Variants in DMXL1 observed in about 807,000 individuals in gnomAD.
DMXL1 encodes the protein Dmx like 1, also known as dmX-like protein 1.
In DMXL1, 99 loss-of-function variants were observed where a neutral mutation model predicts 319.2. The ratio of observed to expected loss-of-function variants is 0.31; its 90% CI spans 0.26 to 0.37. The LOEUF is 0.37. DMXL1 is among the 10% of genes least tolerant of loss of function. DMXL1 has a pLI of 1.00. For missense variants in DMXL1, 3,745 were observed against 3,595.6 expected, an observed-to-expected ratio of 1.04 and a Z score of -1.06; for synonymous variants, 1,385 against 1,235.2, an observed-to-expected ratio of 1.12 and a Z score of -2.54.
chr5:119,105,684 T>G (rs1279056300), intron 4 of DMXL1, among the ~76,000 whole-genome samples: 1 of 151,878 alleles, frequency 6.6e-6, no homozygotes, highest in East Asian at 1.9e-4. Context: ...TCACCTGAGG[T>G]TGGGAGTTCA....
chr5:119,125,223 G>T (rs1763254794), intron 9 of DMXL1, among the ~76,000 whole-genome samples: 1 of 152,168 alleles, frequency 6.6e-6, no homozygotes, highest in African/African-American at 2.4e-5. Flanking sequence ...ACAGAATGGT[G>T]ACTTTTTTCT....
chr5:119,160,910 A>G (rs1238347512), intron 19 of DMXL1, among the ~76,000 whole-genome samples: 1 of 152,172 alleles, frequency 6.6e-6, no homozygotes, highest in East Asian at 1.9e-4. Flanking sequence ...CTATATATTC[A>G]GGTAGTTCAC....
intron 1 of DMXL1, among the ~76,000 whole-genome samples, chr5:119,079,133 A>C (rs1397974206): frequency 6.6e-6 from 1 of 152,114 alleles, no homozygotes; most frequent in Non-Finnish European, 1.5e-5. Context: ...TCCTCCCACC[A>C]GTCTGCTCAT....
At chr5:119,086,796 T>G (rs1206356155) in intron 1 of DMXL1, among the ~76,000 whole-genome samples, 1 of 152,116 alleles carries the variant, frequency 6.6e-6, no homozygotes, top group Non-Finnish European at 1.5e-5. Context: ...GTTCTTTAAA[T>G]GTTTGATAGA....
intron 21 of DMXL1, 123 bp from the exon 22 acceptor site, chr5:119,166,493 A>T (rs1773471156): frequency 1.4e-6 from 1 of 736,446 alleles, no homozygotes. Flanking sequence ...GCAGATACAT[A>T]GTAAGTTATG....
chr5:119,115,880 G>A (rs984298540), intron 6 of DMXL1, among the ~76,000 whole-genome samples: 1 of 151,976 alleles, frequency 6.6e-6, no homozygotes, highest in Non-Finnish European at 1.5e-5. Context: ...TTATCTTTCA[G>A]TGTTTCCTGA....
At chr5:119,224,267 CTTAT>C (rs1435448259) in intron 37 of DMXL1, among the ~76,000 whole-genome samples, 1 of 151,996 alleles carries the variant, frequency 6.6e-6, no homozygotes, top group Non-Finnish European at 1.5e-5. Context: ...TTGTTTTACT[CTTAT>C]TTGACAGGCT....
chr5:119,205,548 A>G (rs920627132), intron 33 of DMXL1, among the ~76,000 whole-genome samples: 1 of 152,066 alleles, frequency 6.6e-6, no homozygotes, highest in Non-Finnish European at 1.5e-5. Flanking sequence ...TTAATGCACA[A>G]TGACTATAAT....
At chr5:119,184,039 CT>C (rs1777249979) in intron 28 of DMXL1, among the ~76,000 whole-genome samples, 1 of 149,234 alleles carries the variant, frequency 6.7e-6, no homozygotes, top group Admixed American at 6.6e-5. Context: ...CCTAGACTCC[CT>C]CATTCAATGT....
At chr5:119,155,047 C>G in intron 19 of DMXL1, among the ~76,000 whole-genome samples, 1 of 152,232 alleles carries the variant, frequency 6.6e-6, no homozygotes, top group East Asian at 1.9e-4. Context: ...ACTATTGAGA[C>G]CTTCTGTTGA....
At chr5:119,166,894 A>G in intron 22 of DMXL1, 113 bp downstream of exon 22, 1 of 754,820 alleles carries the variant, frequency 1.3e-6, no homozygotes, top group Non-Finnish European at 2.0e-6. Context: ...CACAAGGCCA[A>G]ATATCTGAAA....
At chr5:119,154,174 A>G (rs1234169854) in intron 19 of DMXL1, among the ~76,000 whole-genome samples, 1 of 152,194 alleles carries the variant, frequency 6.6e-6, no homozygotes, top group Non-Finnish European at 1.5e-5. Context: ...AGGACAGTTT[A>G]ACAACCCTAC....
chr5:119,193,311 A>C (rs551373427), intron 29 of DMXL1, among the ~76,000 whole-genome samples: 11 of 152,152 alleles, frequency 7.2e-5, no homozygotes, highest in Middle Eastern at 3.4e-3. Flanking sequence ...CTATTTTCAA[A>C]CCAAACTCTT....
Position 119,167,654 on chromosome 5 carries a change from C to G in DMXL1, c.5188C>G (p.Leu1730Val). The G allele has an allele frequency of 6.2e-7, 1 of 1,611,778 alleles. No homozygotes were observed. Among genetic ancestry groups the G allele is most frequent in the Non-Finnish European group, 8.5e-7 (1 of 1,178,574 alleles). The change falls in exon 23 of 44, where the codon CTC becomes GTC. Residue 1730 changes from leucine to valine, a missense_variant. Physicochemically the swap from Leu to Val is conservative, Grantham distance 32. Coordinates refer to ENST00000539542, the MANE Select transcript of DMXL1 (RefSeq NM_001290321.3). The stretch of plus-strand genomic sequence containing the variant: ...TCAGTTGGCTCTTGTAATAGCAAGA[C>G]TCTATGAGTCTGAATTTGATACATC... ...DIQLALVIARLYESEFDTSAA... is the reference protein window; with the variant it reads ...DIQLALVIARVYESEFDTSAA...
intron 34 of DMXL1, among the ~76,000 whole-genome samples, chr5:119,213,739 GTTA>G (rs1234191158): frequency 6.6e-6 from 1 of 151,932 alleles, no homozygotes; most frequent in Non-Finnish European, 1.5e-5. Flanking sequence ...CTCTAATTTG[GTTA>G]TTATCTCCAG....
chr5:119,092,871 A>G (rs1446735994), intron 1 of DMXL1, among the ~76,000 whole-genome samples: 10 of 152,230 alleles, frequency 6.6e-5, no homozygotes, highest in East Asian at 1.9e-4. Flanking sequence ...GTATGGATAT[A>G]TACTATATTT....
At chr5:119,220,760 A>G (rs143131846) in intron 36 of DMXL1, among the ~76,000 whole-genome samples, 167 bp downstream of exon 36, 2 of 152,348 alleles carry the variant, frequency 1.3e-5, no homozygotes, top group African/African-American at 4.8e-5. Flanking sequence ...GGGAACTGAG[A>G]GAAGAGTAAG....
chr5:119,090,936 A>G lies in DMXL1; in HGVS notation c.88-7043A>G, dbSNP rs1019354200. 9.2e-5 allele frequency among the ~76,000 whole-genome samples: 14 copies of G among 151,672 alleles called. 1 individual carries two copies. The highest frequency in any genetic ancestry group is 2.4e-4 in the African/African-American group (10 of 41,284). The stretch of plus-strand genomic sequence containing the variant: ...TTTCTTCTGCTTGATCCATTCTTCT[A>G]TGGAGAGCCTCTAATGAATTTTTCA... On this transcript the variant is annotated intron_variant, in intron 1 of 43. Transcript: ENST00000539542.
chr5:119,139,839 G>A (rs185742843), intron 13 of DMXL1, among the ~76,000 whole-genome samples: 5 of 152,146 alleles, frequency 3.3e-5, no homozygotes, highest in African/African-American at 7.2e-5. Context: ...TCATTGCCAC[G>A]TCACATACTC....
Sources: gnomAD v4.1 joint callset for allele counts (sites outside exome capture counted in the v4.1 genomes callset) on GRCh38, gnomAD v4.1.1 for gene constraint, MANE v1.5 for transcripts, NCBI Gene and HGNC (gene_info 2026-07-23, HGNC 2026-07-21) for gene names.